The following ATP2B2 variants were observed in gnomAD, a reference collection of about 807,000 sequenced individuals.
ATP2B2 encodes plasma membrane calcium-transporting ATPase 2.
ATP2B2 carries 15 observed loss-of-function variants against 120.0 expected under a neutral mutation model. The observed-to-expected ratio is 0.12, with a 90% CI of 0.08 to 0.19. The LOEUF is 0.19. ATP2B2 is among the 10% of genes least tolerant of loss of function. The pLI is 1.00. For synonymous variants in ATP2B2, 694 were observed against 700.3 expected (o/e 0.99, Z 0.14); for missense variants, 1,045 against 1,719.8 (o/e 0.61, Z 6.94).
intron 1 of ATP2B2, among the ~76,000 whole-genome samples, chr3:10,481,610 A>G (rs2065418035): frequency 6.6e-6 from 1 of 152,146 alleles, no homozygotes; most frequent in Admixed American, 6.5e-5. Context: ...CTAGAGTGCA[A>G]TGGCACAATC....
At chr3:10,477,932 TTC>T (rs535713195) in intron 1 of ATP2B2, among the ~76,000 whole-genome samples, 34 of 152,338 alleles carry the variant, frequency 2.2e-4, no homozygotes, top group African/African-American at 6.7e-4. Context: ...CGTGGAATAA[TTC>T]TGTTTGATTT....
At chr3:10,651,055 C>G (rs929641625) in intron 1 of ATP2B2, among the ~76,000 whole-genome samples, 3 of 152,300 alleles carry the variant, frequency 2.0e-5, no homozygotes, top group South Asian at 2.1e-4. Context: ...GCCTGTACCC[C>G]CATTGTATCT....
At chr3:10,477,413 C>T (rs1057109582) in intron 1 of ATP2B2, among the ~76,000 whole-genome samples, 2 of 152,178 alleles carry the variant, frequency 1.3e-5, no homozygotes, top group African/African-American at 2.4e-5. Flanking sequence ...ATGGGATTTA[C>T]CATTCTAGCC....
intron 8 of ATP2B2, among the ~76,000 whole-genome samples, chr3:10,381,693 G>A (rs1222534183): frequency 6.6e-6 from 1 of 152,218 alleles, no homozygotes; most frequent in Non-Finnish European, 1.5e-5. Flanking sequence ...TGTGGGATCT[G>A]GAGATGGGCT....
rs74743315 is a variant in ATP2B2, at chr3:10,425,590, G to A, written c.200-14775C>T. On this transcript the variant is annotated intron_variant, in intron 2 of 22. Coordinates refer to ENST00000360273, the MANE Select transcript of ATP2B2 (RefSeq NM_001001331.4). ...AATAAGGTAACGAGTGTGACGCGCC[G>A]GGCACACGGTAGGTGTTCAATGTGT... Among the ~76,000 whole-genome samples the A allele has an allele frequency of 1.8e-4, 27 of 152,148 alleles. No homozygotes were observed. The East Asian group carries it at 3.5e-3, about 20-fold the overall frequency.
Position 10,402,427 on chromosome 3 carries a change from C to T in ATP2B2, c.398-79G>A. The T allele has an allele frequency of 6.3e-7, 1 of 1,574,948 alleles. No individual in the cohort carries two copies. Among genetic ancestry groups the T allele is most frequent in the Non-Finnish European group, 8.7e-7 (1 of 1,154,880 alleles). ...TCATGGGCCTGGATTTACAGCTCAG[C>T]TCTGCAAAGTAACAAGTGTTAAGAA... On this transcript the variant is annotated intron_variant, in intron 3 of 22. Coordinates refer to ENST00000360273, the MANE Select transcript of ATP2B2 (RefSeq NM_001001331.4). This position sits in a 1 kb window ranked among gnomAD's most constrained non-coding sequence, Gnocchi z 4.9.
intron 2 of ATP2B2, among the ~76,000 whole-genome samples, chr3:10,580,041 T>C (rs905018239): frequency 6.6e-6 from 1 of 152,006 alleles, no homozygotes; most frequent in African/African-American, 2.4e-5. Context: ...ATGGCAGGGA[T>C]AGGCTGAGGT....
At chr3:10,625,183 C>T (rs2069661848) in intron 1 of ATP2B2, among the ~76,000 whole-genome samples, 1 of 152,218 alleles carries the variant, frequency 6.6e-6, no homozygotes, top group South Asian at 2.1e-4. Flanking sequence ...GGCCACCTGC[C>T]TTGCAGGGGA....
At chr3:10,398,342 C>A (rs1243236106) in intron 5 of ATP2B2, among the ~76,000 whole-genome samples, 2 of 152,240 alleles carry the variant, frequency 1.3e-5, no homozygotes, top group Non-Finnish European at 1.5e-5. Flanking sequence ...CATCTAGACG[C>A]CCCAGGCGTC....
upstream of ATP2B2, among the ~76,000 whole-genome samples, chr3:10,510,064 C>T (rs1318773278): frequency 6.6e-6 from 1 of 152,210 alleles, no homozygotes; most frequent in Non-Finnish European, 1.5e-5. Flanking sequence ...CTTCCAACTC[C>T]TCTGGCTGGT....
intron 3 of ATP2B2, among the ~76,000 whole-genome samples, chr3:10,524,460 G>A (rs980013311): frequency 2.0e-5 from 3 of 152,130 alleles, no homozygotes; most frequent in Non-Finnish European, 4.4e-5. Context: ...TCACATGACC[G>A]GTAAGTGACG....
intron 3 of ATP2B2, among the ~76,000 whole-genome samples, chr3:10,531,701 C>A (rs1484189471): frequency 6.6e-6 from 1 of 152,166 alleles, no homozygotes. Context: ...GCCTTGCTTT[C>A]CTCTTCTGTG....
Position 10,483,871 on chromosome 3 carries a change from G to A in ATP2B2, c.-320+21594C>T, listed in dbSNP as rs542566576. Among the ~76,000 whole-genome samples, 88 of 152,326 alleles carry A rather than the reference G, an allele frequency of 5.8e-4. No individual in the cohort carries two copies. In the Middle Eastern group the frequency reaches 0.01, roughly 18 times the overall value. ...GGAAGGACTTGGGGGCCGGTGCATTGGCGTCAGCCCCCGGCACAGGGCCGG... is the reference window on the plus strand; with the variant it reads ...GGAAGGACTTGGGGGCCGGTGCATTAGCGTCAGCCCCCGGCACAGGGCCGG... On this transcript the variant is annotated intron_variant, in intron 1 of 22. Transcript: ENST00000360273.
intron 2 of ATP2B2, among the ~76,000 whole-genome samples, chr3:10,428,866 G>C (rs1302924777): frequency 6.6e-6 from 1 of 152,192 alleles, no homozygotes; most frequent in Non-Finnish European, 1.5e-5. Context: ...CAGCCTCACC[G>C]GGCCAGCTGT....
rs574677165 is a variant in ATP2B2 at position 10,521,987 on chromosome 3, C to T, written c.-320+12052G>A. ...AGGGCAGTGTTTGGACTTCAACCCACGTTTGTCAGGTAACAGTCTGTGTTC... is the reference window on the plus strand; with the variant it reads ...AGGGCAGTGTTTGGACTTCAACCCATGTTTGTCAGGTAACAGTCTGTGTTC... On this transcript the variant is annotated intron_variant, in intron 3 of 21. Transcript: ENST00000646379. 7.9e-5 allele frequency among the ~76,000 whole-genome samples: 12 copies of T among 152,298 alleles called. No homozygotes were observed. In the South Asian group the frequency reaches 1.2e-3, roughly 16 times the overall value.
At chr3:10,607,126 G>A (rs912368485) in intron 2 of ATP2B2, among the ~76,000 whole-genome samples, 3 of 152,122 alleles carry the variant, frequency 2.0e-5, no homozygotes, top group Non-Finnish European at 4.4e-5. Context: ...ACAGAGACAA[G>A]ATGTGGCACT....
intron 2 of ATP2B2, among the ~76,000 whole-genome samples, chr3:10,544,388 C>T (rs2125500660): frequency 1.3e-5 from 2 of 152,348 alleles, no homozygotes; most frequent in Admixed American, 1.3e-4. Flanking sequence ...TCTGGTCTCT[C>T]ATCAAACAGA....
chr3:10,619,086 C>G (rs879832071), intron 2 of ATP2B2, among the ~76,000 whole-genome samples: 22 of 152,156 alleles, frequency 1.4e-4, no homozygotes, highest in Non-Finnish European at 2.9e-4. Flanking sequence ...GAAGTGCCAC[C>G]CAGGAGCCAC....
chr3:10,410,157 T>C (rs2062558772), intron 3 of ATP2B2, among the ~76,000 whole-genome samples: 1 of 152,190 alleles, frequency 6.6e-6, no homozygotes, highest in South Asian at 2.1e-4. Context: ...TTTTATATTT[T>C]TTATTTCCAT....
Sources: gnomAD v4.1 joint callset for allele counts (sites outside exome capture counted in the v4.1 genomes callset) on GRCh38, gnomAD v4.1.1 for gene constraint, Gnocchi (gnomAD v3.1) non-coding constraint, MANE v1.5 for transcripts, NCBI Gene and HGNC (gene_info 2026-07-23, HGNC 2026-07-21) for gene names.